ERBB4: variants seen among roughly 807,000 people sequenced by gnomAD.
ERBB4 encodes receptor tyrosine-protein kinase erbB-4.
A neutral mutation model predicts 158.0 loss-of-function variants in ERBB4; 42 were observed. The observed-to-expected ratio is 0.27, with a 90% CI of 0.21 to 0.34. The LOEUF is 0.34. Among genes scored for constraint, ERBB4 ranks in the 10% least tolerant of loss-of-function variants. The pLI is 1.00. For missense variants in ERBB4, 1,333 were observed against 1,624.1 expected, an observed-to-expected ratio of 0.82 and a Z score of 3.08; for synonymous variants, 583 against 558.7, an observed-to-expected ratio of 1.04 and a Z score of -0.61.
At chr2:211,647,928 C>T (rs921657421) in intron 16 of ERBB4, among the ~76,000 whole-genome samples, 6 of 151,728 alleles carry the variant, frequency 4.0e-5, no homozygotes, top group African/African-American at 1.4e-4. Context: ...GTCTCAATTT[C>T]CTTTGCCGTA....
chr2:211,562,928 C>G (rs943046712), intron 19 of ERBB4, among the ~76,000 whole-genome samples: 5 of 151,852 alleles, frequency 3.3e-5, no homozygotes, highest in African/African-American at 1.2e-4. Flanking sequence ...CCCGCCACTA[C>G]GCCCGGCTAA....
At chr2:211,784,977 G>T (rs2076122908) in intron 4 of ERBB4, among the ~76,000 whole-genome samples, 2 of 151,998 alleles carry the variant, frequency 1.3e-5, no homozygotes, top group African/African-American at 4.8e-5. Context: ...TTATTGAGTT[G>T]CAGGTTCTAC....
rs930912311 is a variant in ERBB4 at position 212,107,471 on chromosome 2, ACTTG to A, written c.234+17277_234+17280del. ...CCCCATTGTATCTAGGAAGTAACTA[ACTTG>A]CTTTTGATTTTACAGGCTCATAGGC... On this transcript the variant is annotated intron_variant, in intron 2 of 27. Transcript: ENST00000342788. Among the ~76,000 whole-genome samples, 75 of 152,202 alleles carry A rather than the reference ACTTG, an allele frequency of 4.9e-4. 1 individual carries two copies. In the Middle Eastern group the frequency reaches 0.017, roughly 35 times the overall value.
intron 1 of ERBB4, among the ~76,000 whole-genome samples, chr2:212,537,262 C>G (rs1330058991): frequency 1.3e-5 from 2 of 152,052 alleles, no homozygotes; most frequent in Non-Finnish European, 2.9e-5. Flanking sequence ...TCACCTCAAG[C>G]TACTTCCCAC....
At chr2:211,847,852 C>T (rs983300774) in intron 3 of ERBB4, among the ~76,000 whole-genome samples, 23 of 151,996 alleles carry the variant, frequency 1.5e-4, no homozygotes, top group Non-Finnish European at 1.6e-4. Context: ...AGCGTGATGC[C>T]ATTGTGTGTA....
intron 20 of ERBB4, among the ~76,000 whole-genome samples, chr2:211,555,191 C>CT (rs535516488): frequency 1.4e-3 from 201 of 146,772 alleles, no homozygotes; most frequent in South Asian, 9.5e-3. Context: ...TCTGTGTTTT[C>CT]TTTTTTTTTT....
chr2:211,815,151 ATGCT>A (rs2076856222), intron 3 of ERBB4, among the ~76,000 whole-genome samples: 1 of 152,248 alleles, frequency 6.6e-6, no homozygotes, highest in African/African-American at 2.4e-5. Flanking sequence ...TGAAGCTTAA[ATGCT>A]TGCTACATTT....
At chr2:212,483,405 T>C (rs191700198) in intron 1 of ERBB4, among the ~76,000 whole-genome samples, 8 of 152,358 alleles carry the variant, frequency 5.3e-5, no homozygotes, top group Non-Finnish European at 7.3e-5. Context: ...AGAAAAGTTA[T>C]CTGGAGTGTC....
At chr2:212,285,424 G>A (rs1348764954) in intron 1 of ERBB4, among the ~76,000 whole-genome samples, 1 of 151,570 alleles carries the variant, frequency 6.6e-6, no homozygotes, top group African/African-American at 2.4e-5. Flanking sequence ...GAGTCCCTAA[G>A]GACAACAAAC....
At chr2:211,952,541 A>G (rs1217508172) in intron 2 of ERBB4, among the ~76,000 whole-genome samples, 2 of 152,112 alleles carry the variant, frequency 1.3e-5, no homozygotes, top group Non-Finnish European at 2.9e-5. Context: ...GAAAATTTTG[A>G]GAGAATAAAA....
chr2:212,019,032 A>G (rs973950442), intron 2 of ERBB4, among the ~76,000 whole-genome samples: 1 of 152,114 alleles, frequency 6.6e-6, no homozygotes, highest in African/African-American at 2.4e-5. Flanking sequence ...TCATTGACAT[A>G]TACCAAACAG....
At chr2:211,682,050 T>TCACACA (rs60803024) in intron 12 of ERBB4, among the ~76,000 whole-genome samples, 23,783 of 134,204 alleles carry the variant, frequency 0.18, 2,663 homozygotes, top group Non-Finnish European at 0.25. Flanking sequence ...TTTATACACA[T>TCACACA]CACACACACA....
chr2:211,545,208 T>G (rs537394636), intron 20 of ERBB4, among the ~76,000 whole-genome samples: 2 of 152,032 alleles, frequency 1.3e-5, no homozygotes, highest in African/African-American at 4.8e-5. Flanking sequence ...ACGCTTAACA[T>G]TTTTTTTAAA....
chr2:212,529,066 TAAC>T (rs1388999639), intron 1 of ERBB4, among the ~76,000 whole-genome samples: 7 of 152,196 alleles, frequency 4.6e-5, no homozygotes, highest in Non-Finnish European at 1.0e-4. Context: ...AATCACTTAA[TAAC>T]ATATTTTTGT....
intron 1 of ERBB4, among the ~76,000 whole-genome samples, chr2:212,394,410 C>A (rs188677643): frequency 4.6e-5 from 7 of 151,908 alleles, no homozygotes; most frequent in Non-Finnish European, 7.4e-5. Flanking sequence ...AATTATTAAC[C>A]ATTTTGTCAA....
chr2:212,109,418 T>C (rs1381511676), intron 2 of ERBB4, among the ~76,000 whole-genome samples: 1 of 152,166 alleles, frequency 6.6e-6, no homozygotes, highest in Non-Finnish European at 1.5e-5. Flanking sequence ...CCTTCAAATA[T>C]CTGAAAACAA....
intron 2 of ERBB4, among the ~76,000 whole-genome samples, chr2:212,112,163 C>G (rs2079430548): frequency 6.6e-6 from 1 of 152,082 alleles, no homozygotes; most frequent in Non-Finnish European, 1.5e-5. Flanking sequence ...TAGGTAGGAG[C>G]ACAGGCAGAT....
At chr2:212,272,527 T>C (rs1415395438) in intron 1 of ERBB4, among the ~76,000 whole-genome samples, 4 of 151,784 alleles carry the variant, frequency 2.6e-5, no homozygotes, top group African/African-American at 9.7e-5. Context: ...CCTGCAGTTA[T>C]CTGTTCCATA....
chr2:211,897,441 A>C (rs542751343), intron 3 of ERBB4, among the ~76,000 whole-genome samples: 2,411 of 120,304 alleles, frequency 0.02, 70 homozygotes, highest in African/African-American at 0.078. Context: ...TATAATTTGC[A>C]AAAAAAAAAA....
Sources: allele counts gnomAD v4.1 joint callset (sites outside exome capture counted in the v4.1 genomes callset), GRCh38; gene constraint gnomAD v4.1.1; transcripts MANE v1.5; gene names NCBI Gene and HGNC (gene_info 2026-07-23, HGNC 2026-07-21).